ARHGAP15: variants seen among roughly 807,000 people sequenced by gnomAD.
The protein encoded by ARHGAP15 is Rho GTPase activating protein 15.
In ARHGAP15, 51 loss-of-function variants were observed where a neutral mutation model predicts 63.7. That is an observed-to-expected ratio of 0.80 (90% CI 0.64 to 1.01). The LOEUF is 1.01. ARHGAP15 is among the 50% of genes least tolerant of loss of function. The probability of loss-of-function intolerance (pLI) is 0.00; values close to 1 mark genes in which losing one functional copy is unlikely to be tolerated. For synonymous variants in ARHGAP15, 191 were observed against 193.8 expected (o/e 0.99, Z 0.12); for missense variants, 560 against 564.6 (o/e 0.99, Z 0.08).
chr2:143,333,112 T>C (rs2105264168), intron 6 of ARHGAP15, among the ~76,000 whole-genome samples: 1 of 152,180 alleles, frequency 6.6e-6, no homozygotes, highest in African/African-American at 2.4e-5. Flanking sequence ...GTTTAAAAAA[T>C]AAAATTACAA....
chr2:143,501,504 T>G (rs764587953), intron 9 of ARHGAP15, among the ~76,000 whole-genome samples: 1 of 152,210 alleles, frequency 6.6e-6, no homozygotes, highest in Admixed American at 6.5e-5. Flanking sequence ...TTGAAGAAGA[T>G]ATCATAAACA....
At chr2:143,169,807 G>A (rs953613281) in intron 2 of ARHGAP15, among the ~76,000 whole-genome samples, 5 of 151,404 alleles carry the variant, frequency 3.3e-5, no homozygotes, top group South Asian at 2.1e-4. Flanking sequence ...GGCCAGTGTC[G>A]TAGAGGTAGT....
chr2:143,701,811 T>G (rs534563783), intron 12 of ARHGAP15, among the ~76,000 whole-genome samples: 1 of 152,198 alleles, frequency 6.6e-6, no homozygotes, highest in Non-Finnish European at 1.5e-5. Context: ...TCTTTCTACC[T>G]GTGTATTTCA....
intron 2 of ARHGAP15, among the ~76,000 whole-genome samples, chr2:143,175,850 AAG>A (rs1345594816): frequency 2.0e-5 from 3 of 152,274 alleles, no homozygotes; most frequent in Admixed American, 2.0e-4. Flanking sequence ...TGGAAAAAGA[AAG>A]AGTCAAATCC....
chr2:143,721,061 C>CCAAAAAA (rs564224681), intron 13 of ARHGAP15, among the ~76,000 whole-genome samples: 1 of 78,432 alleles, frequency 1.3e-5, no homozygotes, highest in Non-Finnish European at 2.5e-5. Context: ...GACTCCGTCT[C>CCAAAAAA]AAAAAAAAAA....
chr2:143,188,457 T>C (rs1343915720), intron 2 of ARHGAP15, among the ~76,000 whole-genome samples: 1 of 151,886 alleles, frequency 6.6e-6, no homozygotes, highest in African/African-American at 2.4e-5. Flanking sequence ...AATAATGTAG[T>C]GCCTCCTTTT....
At chr2:143,397,280 A>G (rs1324328231) in intron 6 of ARHGAP15, among the ~76,000 whole-genome samples, 2 of 151,694 alleles carry the variant, frequency 1.3e-5, no homozygotes, top group East Asian at 3.9e-4. Context: ...GAATGACAAG[A>G]AAGACAAATA....
At chr2:143,735,608 C>A (rs2105494919) in intron 13 of ARHGAP15, among the ~76,000 whole-genome samples, 1 of 152,204 alleles carries the variant, frequency 6.6e-6, no homozygotes, top group East Asian at 1.9e-4. Flanking sequence ...TTTGTTCGTT[C>A]CTGATCCATT....
At chr2:143,702,103 A>G (rs754566060) in intron 12 of ARHGAP15, among the ~76,000 whole-genome samples, 8 of 152,146 alleles carry the variant, frequency 5.3e-5, no homozygotes, top group South Asian at 4.1e-4. Context: ...TTTGCCTTAC[A>G]TATTAGTCTT....
intron 3 of ARHGAP15, among the ~76,000 whole-genome samples, chr2:143,213,588 T>C (rs560221232): frequency 6.6e-6 from 1 of 152,286 alleles, no homozygotes; most frequent in South Asian, 2.1e-4. Flanking sequence ...TGCACAGTGG[T>C]AGGACATAGA....
At chr2:143,257,460 A>G (rs761197998) in intron 6 of ARHGAP15, among the ~76,000 whole-genome samples, 2 of 152,160 alleles carry the variant, frequency 1.3e-5, no homozygotes, top group African/African-American at 4.8e-5. Flanking sequence ...ACAACTGGAT[A>G]GCTCACTTCA....
At chr2:143,201,914 C>T (rs991919890) in intron 2 of ARHGAP15, among the ~76,000 whole-genome samples, 2 of 152,128 alleles carry the variant, frequency 1.3e-5, no homozygotes, top group African/African-American at 4.8e-5. Flanking sequence ...GTCAAGGTTA[C>T]ATGGTAAGAA....
chr2:143,685,464 T>TA (rs1683292114), intron 12 of ARHGAP15, among the ~76,000 whole-genome samples: 2 of 152,192 alleles, frequency 1.3e-5, no homozygotes, highest in Admixed American at 1.3e-4. Context: ...CATTGGGAAT[T>TA]ACCTATGATA....
intron 3 of ARHGAP15, among the ~76,000 whole-genome samples, chr2:143,202,848 T>C (rs1452998655): frequency 6.6e-6 from 1 of 152,144 alleles, no homozygotes; most frequent in Non-Finnish European, 1.5e-5. Flanking sequence ...TCCATGTTTT[T>C]GTGTATTGTT....
chr2:143,409,417 G>A (rs755637665), intron 6 of ARHGAP15, among the ~76,000 whole-genome samples: 5 of 151,838 alleles, frequency 3.3e-5, no homozygotes, highest in African/African-American at 9.7e-5. Flanking sequence ...TGTTAATTCC[G>A]CAAGGGAATA....
chr2:143,158,256 G>C (rs1297170849), intron 2 of ARHGAP15, among the ~76,000 whole-genome samples: 1 of 151,730 alleles, frequency 6.6e-6, no homozygotes, highest in Non-Finnish European at 1.5e-5. Flanking sequence ...TTTTTAATAT[G>C]ACTCTTAACT....
intron 8 of ARHGAP15, among the ~76,000 whole-genome samples, chr2:143,475,519 C>CG (rs1457544185): frequency 6.6e-6 from 1 of 152,234 alleles, no homozygotes; most frequent in Non-Finnish European, 1.5e-5. Flanking sequence ...CTGACATTTC[C>CG]GGATATTCGA....
At chr2:143,750,309 C>T (rs889487341) in intron 13 of ARHGAP15, among the ~76,000 whole-genome samples, 28 of 152,024 alleles carry the variant, frequency 1.8e-4, no homozygotes, top group Non-Finnish European at 1.2e-4. Flanking sequence ...GGCATGATGG[C>T]GCATGCCTAT....
At chr2:143,298,615 T>C (rs1346247094) in intron 6 of ARHGAP15, among the ~76,000 whole-genome samples, 3 of 151,992 alleles carry the variant, frequency 2.0e-5, no homozygotes, top group African/African-American at 7.2e-5. Flanking sequence ...AGTGTCTTAT[T>C]AATGTCAGTC....
Sources: gnomAD v4.1 joint callset for allele counts (sites outside exome capture counted in the v4.1 genomes callset) on GRCh38, gnomAD v4.1.1 for gene constraint, MANE v1.5 for transcripts, NCBI Gene and HGNC (gene_info 2026-07-23, HGNC 2026-07-21) for gene names.